The following RSBN1L variants were observed in gnomAD, a reference collection of about 807,000 sequenced individuals.
RSBN1L encodes round spermatid basic protein 1 like, also known as lysine-specific demethylase RSBN1L.
In RSBN1L, 30 loss-of-function variants were observed where a neutral mutation model predicts 67.7. The ratio of observed to expected loss-of-function variants is 0.44; its 90% CI spans 0.33 to 0.60. The LOEUF is 0.60. RSBN1L is among the 20% of genes least tolerant of loss of function. The pLI is 0.02. For missense variants in RSBN1L, 992 were observed against 1,031.7 expected, an observed-to-expected ratio of 0.96 and a Z score of 0.53; for synonymous variants, 433 against 387.0, an observed-to-expected ratio of 1.12 and a Z score of -1.39.
In RSBN1L at chr7:77,780,240, A is replaced by G. The variant is rs538830667; in HGVS notation, c.*1072A>G. 6.6e-6 allele frequency: 1 copy of G among 152,138 alleles called. No individual in the cohort carries two copies. The highest frequency in any genetic ancestry group is 1.5e-5 in the Non-Finnish European group (1 of 68,020). 9.4% of individuals were successfully genotyped at this position (152,138 alleles called of 1,614,324 possible). A position where few individuals can be genotyped will look rare whatever the true frequency, so the allele number is the denominator to read the frequency against. On this transcript the variant is annotated 3_prime_UTR_variant, in exon 8 of 8. Coordinates refer to ENST00000334955, the MANE Select transcript of RSBN1L (RefSeq NM_198467.3). ...ATCATATTTTGCATAATTTTCTTAA[A>G]TTGCTGAATAAGATCAATATGTGAA...
At chr7:77,760,056 C>G (rs760010155) in intron 3 of RSBN1L, among the ~76,000 whole-genome samples, 1 of 152,068 alleles carries the variant, frequency 6.6e-6, no homozygotes, top group Non-Finnish European at 1.5e-5. Context: ...GCCTTTTCCC[C>G]CTTGCAGCAG....
chr7:77,722,423 A>C (rs1332098333), intron 1 of RSBN1L, among the ~76,000 whole-genome samples: 1 of 152,144 alleles, frequency 6.6e-6, no homozygotes, highest in Admixed American at 6.6e-5. Flanking sequence ...AGTGAAACTT[A>C]GGGAGAAATT....
chr7:77,705,821 A>G (rs150485306), intron 1 of RSBN1L, among the ~76,000 whole-genome samples: 44 of 151,918 alleles, frequency 2.9e-4, no homozygotes, highest in Non-Finnish European at 6.0e-4. Context: ...TCATTTTTAT[A>G]TTTGCATTTA....
chr7:77,732,152 T>C (rs1562799811), intron 1 of RSBN1L, among the ~76,000 whole-genome samples: 1 of 152,308 alleles, frequency 6.6e-6, no homozygotes, highest in East Asian at 1.9e-4. Context: ...TACGAATTTT[T>C]CCCAAGCCTG....
At position 77,755,046 on chromosome 7, in the gene RSBN1L, G is replaced by A. The variant is rs373392797; in HGVS notation, c.1344+4982G>A. On this transcript the variant is annotated intron_variant, in intron 3 of 7. Transcript: ENST00000334955. The stretch of plus-strand genomic sequence containing the variant: ...TATTTTGGTGGTGTCAAGTGGATCA[G>A]CCTACATACTGCTGTGTGAAATTGC... Among the ~76,000 whole-genome samples the A allele has an allele frequency of 1.7e-4, 26 of 152,278 alleles. 2 individuals carry two copies. In the East Asian group the frequency reaches 2.5e-3, roughly 15 times the overall value.
chr7:77,765,770 G>A (rs781559821), intron 4 of RSBN1L, 138 bp downstream of exon 4: 77 of 653,902 alleles, frequency 1.2e-4, no homozygotes, highest in Non-Finnish European at 1.2e-4. Context: ...AAATAGAAAC[G>A]TTTTGGTTTT....
rs116020490 is a variant in RSBN1L at position 77,751,079 on chromosome 7, C to T, written c.1344+1015C>T. Among the ~76,000 whole-genome samples the T allele has an allele frequency of 5.2e-3, 788 of 152,148 alleles. 12 individuals are homozygous for T. Among genetic ancestry groups the T allele is most frequent in the African/African-American group, 0.018 (761 of 41,512 alleles). ...GATGTTCAGTCACATCCACATGTACCCCGCCCCCAATAGTATGAGTATGTT... is the reference window on the plus strand; with the variant it reads ...GATGTTCAGTCACATCCACATGTACTCCGCCCCCAATAGTATGAGTATGTT... On this transcript the variant is annotated intron_variant, in intron 3 of 7. Coordinates refer to ENST00000334955, the MANE Select transcript of RSBN1L (RefSeq NM_198467.3).
chr7:77,723,899 A>C (rs1022146215), intron 1 of RSBN1L, among the ~76,000 whole-genome samples: 1 of 151,892 alleles, frequency 6.6e-6, no homozygotes, highest in Non-Finnish European at 1.5e-5. Flanking sequence ...ACGCCACTGC[A>C]CTCCAGCCTG....
At position 77,765,677 on chromosome 7, in the gene RSBN1L, A is replaced by G. The variant is rs780452850; in HGVS notation, c.1482+45A>G. On this transcript the variant is annotated intron_variant, in intron 4 of 7. Transcript: ENST00000334955. ...GGGATTAGAGTTTTTTTTTTAAAAA[A>G]GGGAAGAAAAACCAATATGAGTAAT... The G allele has an allele frequency of 7.9e-6, 11 of 1,392,520 alleles. No individual in the cohort carries two copies. In the East Asian group the frequency reaches 2.2e-4, roughly 28 times the overall value. The allele number at this position is 1,392,520 out of a possible 1,614,324, so 86.3% of individuals were successfully genotyped here. A position where few individuals can be genotyped will look rare whatever the true frequency, so the allele number is the denominator to read the frequency against.
intron 4 of RSBN1L, among the ~76,000 whole-genome samples, chr7:77,767,123 C>G (rs1236311634): frequency 7.1e-6 from 1 of 141,760 alleles, no homozygotes; most frequent in Non-Finnish European, 1.5e-5. Context: ...TCGATGGGGT[C>G]CTGCTATGTT....
chr7:77,726,830 G>C (rs979665979), intron 1 of RSBN1L, among the ~76,000 whole-genome samples: 28 of 147,238 alleles, frequency 1.9e-4, no homozygotes, highest in African/African-American at 7.1e-4. Flanking sequence ...GCCCAGGCTG[G>C]AGTGCAGTGG....
At chr7:77,706,903 A>T (rs1474843171) in intron 1 of RSBN1L, among the ~76,000 whole-genome samples, 2 of 152,218 alleles carry the variant, frequency 1.3e-5, no homozygotes, top group African/African-American at 4.8e-5. Flanking sequence ...GTTTTTAAAT[A>T]TAGCAAATAT....
At chr7:77,714,544 A>G (rs969018646) in intron 1 of RSBN1L, among the ~76,000 whole-genome samples, 56 of 152,040 alleles carry the variant, frequency 3.7e-4, no homozygotes, top group African/African-American at 1.3e-3. Context: ...ATTTATTTTT[A>G]TTTCTGAGTA....
intron 2 of RSBN1L, among the ~76,000 whole-genome samples, chr7:77,748,761 A>G (rs1340014947): frequency 6.6e-6 from 1 of 152,108 alleles, no homozygotes; most frequent in Non-Finnish European, 1.5e-5. Flanking sequence ...CTGGGATTAC[A>G]GGCATGAGCC....
At chr7:77,775,217 T>C (rs1213969223) in intron 6 of RSBN1L, among the ~76,000 whole-genome samples, 1 of 152,000 alleles carries the variant, frequency 6.6e-6, no homozygotes, top group South Asian at 2.1e-4. Flanking sequence ...CCTGGCCTTA[T>C]TAGAGCAGTT....
At chr7:77,725,593 T>C (rs1584283638) in intron 1 of RSBN1L, among the ~76,000 whole-genome samples, 1 of 151,738 alleles carries the variant, frequency 6.6e-6, no homozygotes, top group East Asian at 1.9e-4. Flanking sequence ...TATGTACATA[T>C]GTAAACACAC....
chr7:77,698,140 A>G (rs1466030014), intron 1 of RSBN1L, among the ~76,000 whole-genome samples: 3 of 152,258 alleles, frequency 2.0e-5, no homozygotes, highest in African/African-American at 7.2e-5. Context: ...TGTTTTCACA[A>G]CTTAAAACAT....
rs1046455520 is a variant in RSBN1L at position 77,780,677 on chromosome 7, G to C, written c.*1509G>C. Reference sequence around the variant, plus strand: ...AGAGATATAATTAACAAAATACTTTGTGGTACCTCTTATCTCTCAGGATCT... The same window carrying C: ...AGAGATATAATTAACAAAATACTTTCTGGTACCTCTTATCTCTCAGGATCT... On this transcript the variant is annotated 3_prime_UTR_variant, in exon 8 of 8. Coordinates refer to ENST00000334955, the MANE Select transcript of RSBN1L (RefSeq NM_198467.3). The C allele has an allele frequency of 6.6e-6, 1 of 152,200 alleles. No individual in the cohort carries two copies. Among genetic ancestry groups the C allele is most frequent in the East Asian group, 1.9e-4 (1 of 5,204 alleles). 9.4% of individuals were successfully genotyped at this position (152,200 alleles called of 1,614,324 possible). A position where few individuals can be genotyped will look rare whatever the true frequency, so the allele number is the denominator to read the frequency against.
chr7:77,697,258 GA>G (rs1790749894), intron 1 of RSBN1L: 1 of 429,054 alleles, frequency 2.3e-6, no homozygotes, highest in African/African-American at 2.1e-5. Context: ...CAGAGAGGGG[GA>G]TGGCCGACAC....
Sources: allele counts gnomAD v4.1 joint callset (sites outside exome capture counted in the v4.1 genomes callset), GRCh38; gene constraint gnomAD v4.1.1; transcripts MANE v1.5; gene names NCBI Gene and HGNC (gene_info 2026-07-23, HGNC 2026-07-21).